Variants in SLC25A30 observed in about 807,000 individuals in gnomAD.
The protein encoded by SLC25A30 is kidney mitochondrial carrier protein 1.
In SLC25A30, 29 loss-of-function variants were observed where a neutral mutation model predicts 42.7. The observed-to-expected ratio is 0.68, with a 90% CI of 0.51 to 0.93. The LOEUF (loss-of-function observed/expected upper bound fraction) is 0.93, where lower values mean the gene tolerates loss of function less well. Ranked by LOEUF, SLC25A30 falls within the 40% of genes least tolerant of loss-of-function variation. The pLI, the probability that SLC25A30 is intolerant of heterozygous loss-of-function variation, is 0.00. For synonymous variants in SLC25A30, 124 were observed against 131.0 expected (o/e 0.95, Z 0.37); for missense variants, 300 against 359.7 (o/e 0.83, Z 1.34).
chr13:45,396,111 G>A (rs1593593741), intron 9 of SLC25A30, 96 bp from the exon 10 acceptor site: 1 of 1,611,166 alleles, frequency 6.2e-7, no homozygotes. Context: ...ATAACAAATA[G>A]GTACAGGCAG....
Position 45,408,976 on chromosome 13 carries a change from C to A in SLC25A30, c.163G>T (p.Ala55Ser), listed in dbSNP as rs1396226727. Residue 55 changes from alanine (A) to serine (S), a missense_variant, in exon 3 of 10, where the codon GCA becomes TCA. Transcript: ENST00000519676. ...KEIRYRGMLH[A>S]LVRIGREEGL... ...TCTTCTCTGCCTATCCTCACTAATGCGTGCAACATTCCTCGGTATCTAATT... is the reference window on the plus strand; with the variant it reads ...TCTTCTCTGCCTATCCTCACTAATGAGTGCAACATTCCTCGGTATCTAATT... 1.4e-5 allele frequency: 22 copies of A among 1,613,204 alleles called. No individual in the cohort carries two copies. The highest frequency in any genetic ancestry group is 1.6e-4 in the Middle Eastern group (1 of 6,084).
the SLC25A30 span, among the ~76,000 whole-genome samples, chr13:45,424,767 A>AATAT: frequency 1.6e-5 from 1 of 61,050 alleles, no homozygotes; most frequent in Non-Finnish European, 3.0e-5. Context: ...TAAATATATA[A>AATAT]ATATATATAT....
the SLC25A30 span, among the ~76,000 whole-genome samples, chr13:45,427,462 G>A: frequency 6.6e-6 from 1 of 152,092 alleles, no homozygotes; most frequent in Admixed American, 6.6e-5. Flanking sequence ...AACAGAGTTT[G>A]TCCCAGGCCA....
At chr13:45,401,329 C>G in intron 6 of SLC25A30, 122 bp from the exon 7 acceptor site, 1 of 1,004,710 alleles carries the variant, frequency 1.0e-6, no homozygotes, top group Non-Finnish European at 1.5e-6. Context: ...TCTGGGGAGG[C>G]AGAAATGTAG....
intron 3 of SLC25A30, 101 bp downstream of exon 3, chr13:45,408,826 A>G: frequency 1.9e-6 from 2 of 1,062,660 alleles, no homozygotes; most frequent in South Asian, 6.2e-5. Flanking sequence ...TTTCAAACAC[A>G]CCTCAAACTT....
chr13:45,424,838 AAAAATATATATAAATAT>A, the SLC25A30 span, among the ~76,000 whole-genome samples: 1 of 53,260 alleles, frequency 1.9e-5, no homozygotes, highest in Non-Finnish European at 3.2e-5. Flanking sequence ...ATATATATAT[AAAAATATATATAAATAT>A]ATATATAAAA....
At position 45,394,950 on chromosome 13, in the gene SLC25A30, C is replaced by T. The variant is rs1881202476; in HGVS notation, c.*1024G>A. The stretch of plus-strand genomic sequence containing the variant: ...CCAACATTTTGCTAAGGAAAATGTA[C>T]TAAAGCCTGAACTTATACAGTGTTC... On this transcript the variant is annotated 3_prime_UTR_variant, in exon 10 of 10. Transcript: ENST00000519676. 2 of 985,292 alleles carry T rather than the reference C, an allele frequency of 2.0e-6. No homozygotes were observed. Among genetic ancestry groups the T allele is most frequent in the Non-Finnish European group, 2.4e-6 (2 of 829,944 alleles). 61.0% of individuals were successfully genotyped at this position (985,292 alleles called of 1,614,324 possible). A position where few individuals can be genotyped will look rare whatever the true frequency, so the allele number is the denominator to read the frequency against.
chr13:45,427,443 A>G, the SLC25A30 span, among the ~76,000 whole-genome samples: 1 of 152,144 alleles, frequency 6.6e-6, no homozygotes, highest in African/African-American at 2.4e-5. Flanking sequence ...CTGTTTGCTC[A>G]TTGGGCCCAA....
the SLC25A30 span, among the ~76,000 whole-genome samples, chr13:45,426,404 G>A: frequency 6.6e-6 from 1 of 152,100 alleles, no homozygotes; most frequent in Non-Finnish European, 1.5e-5. Context: ...TATTTTTTAA[G>A]TGGCTACATT....
chr13:45,407,168 C>T lies in SLC25A30; in HGVS notation c.213-1191G>A, dbSNP rs145828053. 3.0e-3 allele frequency among the ~76,000 whole-genome samples: 452 copies of T among 152,232 alleles called. 2 individuals are homozygous for T. Among genetic ancestry groups the T allele is most frequent in the Non-Finnish European group, 3.2e-3 (218 of 68,008 alleles). ...ATCCCAGCACTTTGGGAGGCCGAGA[C>T]GGGTGGATCACTTGAGGTCAGGAGT... On this transcript the variant is annotated intron_variant, in intron 3 of 9. Coordinates refer to ENST00000519676, the MANE Select transcript of SLC25A30 (RefSeq NM_001010875.4).
Position 45,394,073 on chromosome 13 carries a change from TA to T in SLC25A30, c.*1900del. The T allele has an allele frequency of 1.0e-6, 1 of 985,398 alleles. No individual in the cohort carries two copies. Among genetic ancestry groups the T allele is most frequent in the Non-Finnish European group, 1.2e-6 (1 of 829,898 alleles). The allele number at this position is 985,398 out of a possible 1,614,324, so 61.0% of individuals were successfully genotyped here. A position where few individuals can be genotyped will look rare whatever the true frequency, so the allele number is the denominator to read the frequency against. On this transcript the variant is annotated 3_prime_UTR_variant, in exon 10 of 10. Coordinates refer to ENST00000519676, the MANE Select transcript of SLC25A30 (RefSeq NM_001010875.4). ...AAAGCCTCTCTATAGAAAGTCTTTATAAAATCAATGGAATGTTTTGGAAAGA... is the reference window on the plus strand; with the variant it reads ...AAAGCCTCTCTATAGAAAGTCTTTATAAATCAATGGAATGTTTTGGAAAGA...
Position 45,401,213 on chromosome 13 carries a change from TAAAAATATTAACAATAA to T in SLC25A30, c.490-23_490-7del. On this transcript the variant is annotated splice_region_variant and splice_polypyrimidine_tract_variant and intron_variant, in intron 6 of 9. Transcript: ENST00000519676. ...TGCGCAGTAAGGGACACACCCTGGG[TAAAAATATTAACAATAA>T]AAATGATTCTGATATGCCTCTGTAG... The T allele has an allele frequency of 6.2e-7, 1 of 1,613,236 alleles. No individual in the cohort carries two copies. Among genetic ancestry groups the T allele is most frequent in the Non-Finnish European group, 8.5e-7 (1 of 1,179,662 alleles).
chr13:45,425,019 C>CATATATAA, the SLC25A30 span, among the ~76,000 whole-genome samples: 3 of 20,096 alleles, frequency 1.5e-4, no homozygotes, highest in Admixed American at 9.7e-4. Context: ...TATAAATATA[C>CATATATAA]ATATATAAAT....
intron 8 of SLC25A30, chr13:45,397,841 C>G (rs536494208): frequency 2.1e-6 from 2 of 971,468 alleles, no homozygotes; most frequent in Non-Finnish European, 1.2e-6. Context: ...CAACCCCACA[C>G]GAAGGATTGA....
At chr13:45,406,689 G>A (rs1267241460) in intron 3 of SLC25A30, among the ~76,000 whole-genome samples, 1 of 152,104 alleles carries the variant, frequency 6.6e-6, no homozygotes, top group Non-Finnish European at 1.5e-5. Flanking sequence ...CCCTCTTCAA[G>A]GTGACCAACT....
intron 1 of SLC25A30, among the ~76,000 whole-genome samples, chr13:45,417,455 T>C (rs1883633234): frequency 6.6e-6 from 1 of 152,244 alleles, no homozygotes; most frequent in African/African-American, 2.4e-5. Context: ...GCCCTTTCAA[T>C]AATGCCCTTT....
intron 1 of SLC25A30, among the ~76,000 whole-genome samples, chr13:45,416,938 T>G (rs1204396547): frequency 1.3e-5 from 2 of 152,178 alleles, no homozygotes; most frequent in East Asian, 3.8e-4. Flanking sequence ...CCACCTGACC[T>G]CATGTGTACA....
In SLC25A30 at chr13:45,405,965, C is replaced by T. The variant is rs769205376; in HGVS notation, c.225G>A (p.Ala75=). 1.3e-5 allele frequency: 21 copies of T among 1,614,030 alleles called. No individual in the cohort carries two copies. The highest frequency in any genetic ancestry group is 1.1e-4 in the East Asian group (5 of 44,902). ...TGCCATAGGATGCCTGGCGTAACATCGCGGGGGCAATCCTGTTAAACCAAT... is the reference window on the plus strand; with the variant it reads ...TGCCATAGGATGCCTGGCGTAACATTGCGGGGGCAATCCTGTTAAACCAAT... ...LKALYSGIAP[A]MLRQASYGTI... The change falls in exon 4 of 10, where the codon GCG becomes GCA. Residue 75 remains alanine, a synonymous_variant. Transcript: ENST00000519676.
At chr13:45,412,449 T>C (rs1883116553) in intron 1 of SLC25A30, among the ~76,000 whole-genome samples, 3 of 152,096 alleles carry the variant, frequency 2.0e-5, no homozygotes, top group Admixed American at 2.0e-4. Flanking sequence ...TCTCTTAGCC[T>C]TATTACGTTA....
Sources: allele counts gnomAD v4.1 joint callset (sites outside exome capture counted in the v4.1 genomes callset), GRCh38; gene constraint gnomAD v4.1.1; transcripts MANE v1.5; gene names NCBI Gene and HGNC (gene_info 2026-07-23, HGNC 2026-07-21).